The following SLC46A1 variants were observed in gnomAD, a reference collection of about 807,000 sequenced individuals.
The protein encoded by SLC46A1 is solute carrier family 46 member 1, also known as proton-coupled folate transporter.
A neutral mutation model predicts 32.1 loss-of-function variants in SLC46A1; 17 were observed. The ratio of observed to expected loss-of-function variants is 0.53; its 90% CI spans 0.36 to 0.79. The LOEUF (loss-of-function observed/expected upper bound fraction) is 0.79, where lower values mean the gene tolerates loss of function less well. SLC46A1 is among the 30% of genes least tolerant of loss of function. SLC46A1 has a pLI of 0.00. For synonymous variants in SLC46A1, 240 were observed against 262.7 expected, an observed-to-expected ratio of 0.91 and a Z score of 0.84; for missense variants, 517 against 588.2, an observed-to-expected ratio of 0.88 and a Z score of 1.25.
Position 28,395,783 on chromosome 17 carries a change from A to C in SLC46A1, c.*3873T>G. The C allele has an allele frequency of 2.0e-6, 2 of 992,384 alleles. No individual in the cohort carries two copies. Among genetic ancestry groups the C allele is most frequent in the Non-Finnish European group, 3.1e-6 (2 of 642,282 alleles). The allele number at this position is 992,384 out of a possible 1,614,324, so 61.5% of individuals were successfully genotyped here. ...GGTTAAGGTAGACATCAAGGTGGAC[A>C]TCAGGACTGGTGTCCTGCCCTGGGC... On this transcript the variant is annotated 3_prime_UTR_variant, in exon 5 of 5. Transcript: ENST00000612814.
chr17:28,396,352 C>T lies in SLC46A1; in HGVS notation c.*3304G>A, dbSNP rs571843095. The T allele has an allele frequency of 6.7e-5, 106 of 1,592,692 alleles. No homozygotes were observed. The African/African-American group carries it at 1.3e-3, about 19-fold the overall frequency. On this transcript the variant is annotated 3_prime_UTR_variant, in exon 5 of 5. Transcript: ENST00000612814. ...CATCGTCCTTTCTGAAGGAACAGCTCCTGAAACCAGTCTCCCTGGGCTGAG... is the reference window on the plus strand; with the variant it reads ...CATCGTCCTTTCTGAAGGAACAGCTTCTGAAACCAGTCTCCCTGGGCTGAG...
intron 2 of SLC46A1, 122 bp from the exon 3 acceptor site, chr17:28,402,443 C>T (rs1441704989): frequency 6.5e-6 from 5 of 770,964 alleles, no homozygotes; most frequent in Non-Finnish European, 8.6e-6. Context: ...GAAGAACTTC[C>T]TTGATGGTGA....
upstream of SLC46A1, chr17:28,406,504 A>T (rs2068263558): frequency 5.2e-6 from 1 of 190,868 alleles, no homozygotes; most frequent in Non-Finnish European, 1.1e-5. This position sits in a 1 kb window ranked among gnomAD's most constrained non-coding sequence, Gnocchi z 4.5. Flanking sequence ...TGGTCTCCCG[A>T]TAACTCTACA....
At chr17:28,402,136 A>AG in intron 3 of SLC46A1, 102 bp downstream of exon 3, 3 of 968,014 alleles carry the variant, frequency 3.1e-6, no homozygotes, top group Non-Finnish European at 4.6e-6. Flanking sequence ...CCAGGGTGAG[A>AG]GGGGGGAAGG....
upstream of SLC46A1, chr17:28,406,268 G>A (rs1280430625): frequency 5.6e-5 from 31 of 552,046 alleles, 1 homozygote; most frequent in East Asian, 9.0e-4. The surrounding 1 kb of genome is among the most constrained non-coding windows in gnomAD (Gnocchi z 4.5). Flanking sequence ...CCTGTGACCT[G>A]AGGCCACCGG....
chr17:28,400,792 T>C, intron 3 of SLC46A1, 26 bp from the exon 4 acceptor site: 1 of 1,550,448 alleles, frequency 6.4e-7, no homozygotes, highest in Non-Finnish European at 8.7e-7. Context: ...TACCATACTC[T>C]GGAGTCCGAA....
At chr17:28,402,388 C>T in intron 2 of SLC46A1, 67 bp from the exon 3 acceptor site, 2 of 1,374,302 alleles carry the variant, frequency 1.5e-6, no homozygotes, top group Admixed American at 1.9e-5. Flanking sequence ...GGAAAGGCAG[C>T]AGAGCTCCTA....
intron 3 of SLC46A1, chr17:28,401,050 A>T (rs1259661846): frequency 2.2e-5 from 9 of 415,764 alleles, no homozygotes; most frequent in Non-Finnish European, 4.1e-5. Context: ...AAAAAAGTAC[A>T]TGTGATATTG....
Position 28,406,130 on chromosome 17 carries a change from A to G in SLC46A1, c.-16T>C. 1.4e-6 allele frequency: 2 copies of G among 1,387,966 alleles called. No homozygotes were observed. The highest frequency in any genetic ancestry group is 1.9e-6 in the Non-Finnish European group (2 of 1,073,604). 86.0% of individuals were successfully genotyped at this position (1,387,966 alleles called of 1,614,324 possible). ...TCCCCTCCATGTGCGTGCGCGGCGG[A>G]GCTGTCGCCAGGCGGGCGGCGGGGC... On this transcript the variant is annotated 5_prime_UTR_variant, in exon 1 of 5. Coordinates refer to ENST00000612814, the MANE Select transcript of SLC46A1 (RefSeq NM_080669.6). The surrounding 1 kb of genome is among the most constrained non-coding windows in gnomAD (Gnocchi z 4.5).
chr17:28,395,688 A>C lies in SLC46A1; in HGVS notation c.*3968T>G, dbSNP rs1339748907. ...GACACTCATCACTCAAGAGATTCCA[A>C]GGGTTTTAGCAGCTCTGTGCCAGGA... On this transcript the variant is annotated 3_prime_UTR_variant, in exon 5 of 5. Coordinates refer to ENST00000612814, the MANE Select transcript of SLC46A1 (RefSeq NM_080669.6). The C allele has an allele frequency of 7.4e-6, 4 of 541,340 alleles. No individual in the cohort carries two copies. The highest frequency in any genetic ancestry group is 1.3e-5 in the Non-Finnish European group (4 of 303,048). 33.5% of individuals were successfully genotyped at this position (541,340 alleles called of 1,614,324 possible).
chr17:28,404,791 T>G lies in SLC46A1; in HGVS notation c.906A>C (p.Lys302Asn). Residue 302 changes from lysine (K) to asparagine (N), a missense_variant, in exon 2 of 5, where the codon AAA (lysine) becomes AAC (asparagine). Physicochemically the swap from Lys to Asn is moderately conservative, Grantham distance 94. Coordinates refer to ENST00000612814, the MANE Select transcript of SLC46A1 (RefSeq NM_080669.6). ...ELSTPLCWDS[K>N]LIGYGSAAQH... ...GAGCTGCAGAACCATAGCCGATTAG[T>G]TTGGAGTCCCAGCAGAGGGGTGTGC... The G allele has an allele frequency of 6.2e-7, 1 of 1,613,854 alleles. No homozygotes were observed.
chr17:28,401,500 A>G (rs1555589626), intron 3 of SLC46A1: 2 of 152,444 alleles, frequency 1.3e-5, no homozygotes, highest in East Asian at 1.9e-4. Context: ...ACAGATGGAA[A>G]AAGATGAATG....
rs1261303580 is a variant in SLC46A1, at chr17:28,402,235, C to G, written c.1165+3G>C. On this transcript the variant is annotated splice_donor_region_variant and intron_variant, in intron 3 of 4. Transcript: ENST00000612814. ...CCAGACACAGGTGGGTTCTGACACT[C>G]ACCCTGCTCTGTCTCTCTCACCAGC... 12 of 1,611,958 alleles carry G rather than the reference C, an allele frequency of 7.4e-6. No homozygotes were observed. The highest frequency in any genetic ancestry group is 3.3e-5 in the Admixed American group (2 of 59,770).
Position 28,395,962 on chromosome 17 carries a change from G to A in SLC46A1, c.*3694C>T, listed in dbSNP as rs782423138. On this transcript the variant is annotated 3_prime_UTR_variant, in exon 5 of 5. Coordinates refer to ENST00000612814, the MANE Select transcript of SLC46A1 (RefSeq NM_080669.6). ...CATTGTGCCCATCATTGATGGCTTC[G>A]AGTGGCCTGAGCCCCAGGTCCTGCC... is the stretch of plus-strand genomic sequence containing the variant. 7 of 1,613,836 alleles carry A rather than the reference G, an allele frequency of 4.3e-6. No homozygotes were observed. The East Asian group carries it at 6.7e-5, about 15-fold the overall frequency.
In SLC46A1 at chr17:28,402,246, G is replaced by C. The variant is rs2068204860; in HGVS notation, c.1157C>G (p.Thr386Arg). 2 of 1,612,938 alleles carry C rather than the reference G, an allele frequency of 1.2e-6. No homozygotes were observed. Among genetic ancestry groups the C allele is most frequent in the Non-Finnish European group, 1.7e-6 (2 of 1,179,514 alleles). Residue 386 changes from threonine (T) to arginine (R), a missense_variant, in exon 3 of 5, where the codon ACA (threonine) becomes AGA (arginine). Transcript: ENST00000612814. ...TGGGTTCTGACACTCACCCTGCTCT[G>C]TCTCTCTCACCAGCTTGGAGAGTTT... ...RAKLSKLVRE[T>R]EQGALFSAVA...
At chr17:28,400,412 C>G in intron 4 of SLC46A1, 198 bp downstream of exon 4, 1 of 622,182 alleles carries the variant, frequency 1.6e-6, no homozygotes, top group Non-Finnish European at 2.8e-6. Flanking sequence ...CTTCCTCCAC[C>G]TAGCTCGCCA....
chr17:28,405,992 C>A lies in SLC46A1; in HGVS notation c.123G>T (p.Pro41=). 1 of 1,611,250 alleles carries A rather than the reference C, an allele frequency of 6.2e-7. No homozygotes were observed. Among genetic ancestry groups the A allele is most frequent in the East Asian group, 2.2e-5 (1 of 44,802 alleles). ...LANFALVLQG[P]LTTQYLWHRF... The stretch of plus-strand genomic sequence containing the variant: ...GGTGCCACAGATACTGCGTGGTGAG[C>A]GGGCCCTGCAGGACCAAGGCAAAGT... Residue 41 remains proline (P), a synonymous_variant, in exon 1 of 5, where the codon CCG becomes CCT. Transcript: ENST00000612814.
At position 28,404,933 on chromosome 17, in the gene SLC46A1, T is replaced by C. The variant is rs374413378; in HGVS notation, c.764A>G (p.Tyr255Cys). 7.4e-6 allele frequency: 12 copies of C among 1,613,876 alleles called. No individual in the cohort carries two copies. In the African/African-American group the frequency reaches 9.3e-5, roughly 13 times the overall value. ...GGACTTCTCTGGGGCGGGAGCCACA[T>C]AGAGCTGGACAATGGATCGGTGGTG... ...FRHHRSIVQL[Y>C]VAPAPEKSRK... The change falls in exon 2 of 5, where the codon TAT becomes TGT. Residue 255 changes from tyrosine (Y) to cysteine (C), a missense_variant. Transcript: ENST00000612814.
chr17:28,400,510 G>T (rs868924867), intron 4 of SLC46A1, 100 bp downstream of exon 4: 3 of 1,489,902 alleles, frequency 2.0e-6, no homozygotes, highest in Middle Eastern at 2.3e-4. Context: ...AGAGGGTAAG[G>T]ATTCCAGGAA....
Sources: gnomAD v4.1 joint callset for allele counts on GRCh38, gnomAD v4.1.1 for gene constraint, Gnocchi (gnomAD v3.1) non-coding constraint, MANE v1.5 for transcripts, NCBI Gene and HGNC (gene_info 2026-07-23, HGNC 2026-07-21) for gene names.